CNTNAP2: variants seen among roughly 807,000 people sequenced by gnomAD.
CNTNAP2 encodes the protein contactin-associated protein-like 2.
Under a neutral mutation model 155.2 loss-of-function variants are expected in CNTNAP2, and 98 were observed. The ratio of observed to expected loss-of-function variants is 0.63; its 90% confidence interval spans 0.54 to 0.75. The LOEUF is 0.75. CNTNAP2 is among the 30% of genes least tolerant of loss of function. CNTNAP2 has a pLI of 0.00. For synonymous variants in CNTNAP2, 651 were observed against 631.2 expected (o/e 1.03, Z -0.47); for missense variants, 1,727 against 1,688.1 (o/e 1.02, Z -0.40).
chr7:148,054,660 A>G (rs2707568), intron 15 of CNTNAP2, among the ~76,000 whole-genome samples: 2,251 of 152,076 alleles, frequency 0.015, 56 homozygotes, highest in African/African-American at 0.052. Flanking sequence ...TAACTCCAGG[A>G]TGTGTTCACA....
chr7:146,848,216 T>G (rs1009428463), intron 3 of CNTNAP2, among the ~76,000 whole-genome samples: 1 of 151,932 alleles, frequency 6.6e-6, no homozygotes, highest in Non-Finnish European at 1.5e-5. Context: ...CAAGATAGAG[T>G]GTGTTGCTTT....
chr7:147,631,390 G>T (rs1292883202), intron 12 of CNTNAP2, among the ~76,000 whole-genome samples: 2 of 152,132 alleles, frequency 1.3e-5, no homozygotes, highest in Non-Finnish European at 2.9e-5. Context: ...AATCAATACT[G>T]TGAAAATGAC....
chr7:146,251,452 T>C (rs1799755438), intron 1 of CNTNAP2, among the ~76,000 whole-genome samples: 1 of 152,184 alleles, frequency 6.6e-6, no homozygotes, highest in South Asian at 2.1e-4. Context: ...TGCATCTCTT[T>C]TCCTTGTGTA....
At chr7:146,695,263 T>C (rs1248962237) in intron 1 of CNTNAP2, among the ~76,000 whole-genome samples, 1 of 152,166 alleles carries the variant, frequency 6.6e-6, no homozygotes, top group African/African-American at 2.4e-5. Flanking sequence ...GTTGTTCCCC[T>C]TTATGCCTAA....
chr7:148,068,130 T>C (rs907118069), intron 15 of CNTNAP2, among the ~76,000 whole-genome samples: 3 of 152,112 alleles, frequency 2.0e-5, no homozygotes, highest in African/African-American at 7.2e-5. Context: ...CTGCTGTAGC[T>C]TCTTTGCTCA....
intron 11 of CNTNAP2, among the ~76,000 whole-genome samples, chr7:147,532,325 TA>T (rs1172191827): frequency 2.0e-5 from 3 of 152,242 alleles, no homozygotes; most frequent in Non-Finnish European, 1.5e-5. Flanking sequence ...GTCTCTTTGC[TA>T]AACATAACAA....
intron 12 of CNTNAP2, among the ~76,000 whole-genome samples, chr7:147,619,199 C>A (rs566842670): frequency 1.5e-3 from 227 of 152,230 alleles, no homozygotes; most frequent in Non-Finnish European, 2.6e-3. Context: ...TTAGTTAATC[C>A]GTGGCTTATT....
intron 3 of CNTNAP2, among the ~76,000 whole-genome samples, chr7:146,933,847 C>T (rs1449851645): frequency 3.9e-5 from 6 of 152,036 alleles, no homozygotes; most frequent in Non-Finnish European, 7.4e-5. Context: ...AAAATGCTCA[C>T]CATCACTGGC....
intron 15 of CNTNAP2, among the ~76,000 whole-genome samples, chr7:148,026,255 C>A (rs1011670745): frequency 6.6e-6 from 1 of 151,990 alleles, no homozygotes; most frequent in African/African-American, 2.4e-5. Context: ...TCAAGACCAG[C>A]CTGAGTAATA....
intron 8 of CNTNAP2, among the ~76,000 whole-genome samples, chr7:147,136,850 A>T (rs934414754): frequency 6.6e-6 from 1 of 151,830 alleles, no homozygotes; most frequent in African/African-American, 2.4e-5. Flanking sequence ...ATTTTTTTTC[A>T]GTTCTATACT....
At chr7:146,975,952 C>T (rs1797901912) in intron 3 of CNTNAP2, among the ~76,000 whole-genome samples, 1 of 152,180 alleles carries the variant, frequency 6.6e-6, no homozygotes, top group Non-Finnish European at 1.5e-5. Flanking sequence ...TCTTACCTTT[C>T]ATGGCATAGA....
chr7:146,181,449 T>G (rs1294308192), intron 1 of CNTNAP2, among the ~76,000 whole-genome samples: 1 of 152,226 alleles, frequency 6.6e-6, no homozygotes, highest in East Asian at 1.9e-4. Flanking sequence ...AGCACAAGGC[T>G]TAGCATATAG....
chr7:147,825,608 G>A (rs1428064170), intron 13 of CNTNAP2, among the ~76,000 whole-genome samples: 2 of 152,178 alleles, frequency 1.3e-5, no homozygotes, highest in Admixed American at 6.6e-5. Context: ...TAACATTTCT[G>A]TTGAGAATAG....
chr7:146,292,227 T>C (rs1800440589), intron 1 of CNTNAP2, among the ~76,000 whole-genome samples: 1 of 152,138 alleles, frequency 6.6e-6, no homozygotes, highest in African/African-American at 2.4e-5. Flanking sequence ...CCTTTGTGCA[T>C]GTGTTCTCAC....
intron 3 of CNTNAP2, among the ~76,000 whole-genome samples, chr7:146,927,531 AATACAATATACAATTTGTATAAAGAT>A (rs530532580): frequency 6.6e-6 from 1 of 151,316 alleles, no homozygotes; most frequent in Non-Finnish European, 1.5e-5. Flanking sequence ...TTTTTGTGTA[AATACAATATACAATTTGTATAAAGAT>A]ATACAATATA....
At chr7:148,298,277 T>G (rs531956857) in intron 21 of CNTNAP2, among the ~76,000 whole-genome samples, 4 of 152,220 alleles carry the variant, frequency 2.6e-5, no homozygotes, top group African/African-American at 9.6e-5. Flanking sequence ...TATTGGTAAG[T>G]GAATAGATAA....
At chr7:146,550,269 G>T (rs1333468097) in intron 1 of CNTNAP2, among the ~76,000 whole-genome samples, 2 of 151,856 alleles carry the variant, frequency 1.3e-5, no homozygotes, top group Non-Finnish European at 2.9e-5. Flanking sequence ...GACCTGATTT[G>T]CCTGAGACTC....
Position 148,245,595 on chromosome 7 carries a change from G to A in CNTNAP2, c.3381+15816G>A, listed in dbSNP as rs540828506. Among the ~76,000 whole-genome samples, 309 of 152,314 alleles carry A rather than the reference G, an allele frequency of 2.0e-3. 1 individual carries two copies. Among genetic ancestry groups the A allele is most frequent in the Non-Finnish European group, 3.4e-3 (234 of 68,030 alleles). ...AACTAAACCTCTCTGGAAGATTGAC[G>A]GAAGAAGAGCTGGGATTTGAGCAAG... On this transcript the variant is annotated intron_variant, in intron 20 of 23. Coordinates refer to ENST00000361727, the MANE Select transcript of CNTNAP2 (RefSeq NM_014141.6).
At chr7:147,212,372 T>C (rs1292386300) in intron 8 of CNTNAP2, among the ~76,000 whole-genome samples, 15 of 152,102 alleles carry the variant, frequency 9.9e-5, no homozygotes. Flanking sequence ...TTGGATAAAG[T>C]ATGGTACATG....
Sources: gnomAD v4.1 joint callset for allele counts (sites outside exome capture counted in the v4.1 genomes callset) on GRCh38, gnomAD v4.1.1 for gene constraint, MANE v1.5 for transcripts, NCBI Gene and HGNC (gene_info 2026-07-23, HGNC 2026-07-21) for gene names.